RNF38: variants seen among roughly 807,000 people sequenced by gnomAD.
The protein encoded by RNF38 is ring finger protein 38, also known as E3 ubiquitin-protein ligase RNF38.
In RNF38, 15 loss-of-function variants were observed where a neutral mutation model predicts 67.2. The ratio of observed to expected loss-of-function variants is 0.22; its 90% CI spans 0.15 to 0.34. The LOEUF (loss-of-function observed/expected upper bound fraction) is 0.34, where lower values mean the gene tolerates loss of function less well. Among genes scored for constraint, RNF38 ranks in the 10% least tolerant of loss-of-function variants. The pLI is 1.00. For synonymous variants in RNF38, 220 were observed against 218.8 expected, an observed-to-expected ratio of 1.01 and a Z score of -0.05; for missense variants, 524 against 639.9, an observed-to-expected ratio of 0.82 and a Z score of 1.95.
intron 8 of RNF38, among the ~76,000 whole-genome samples, chr9:36,351,609 A>G (rs1425633946): frequency 6.6e-6 from 1 of 152,222 alleles, no homozygotes; most frequent in African/African-American, 2.4e-5. Context: ...TATATCTGAC[A>G]TTAAGATAGA....
chr9:36,394,271 CAA>C (rs1292578735), intron 1 of RNF38, among the ~76,000 whole-genome samples: 1 of 140,746 alleles, frequency 7.1e-6, no homozygotes, highest in African/African-American at 2.6e-5. Context: ...AAGACTGTCT[CAA>C]AAAAAAAAAG....
intron 1 of RNF38, among the ~76,000 whole-genome samples, chr9:36,429,692 G>A (rs1838878241): frequency 6.6e-6 from 1 of 152,154 alleles, no homozygotes; most frequent in African/African-American, 2.4e-5. Flanking sequence ...TACTCGGGAG[G>A]CTGAGGCAGG....
intron 2 of RNF38, among the ~76,000 whole-genome samples, chr9:36,379,464 C>T (rs1447989734): frequency 6.6e-6 from 1 of 151,826 alleles, no homozygotes; most frequent in Non-Finnish European, 1.5e-5. Flanking sequence ...GAATATTGAA[C>T]CCAAATTTTG....
intron 1 of RNF38, among the ~76,000 whole-genome samples, chr9:36,396,975 T>C (rs1837556105): frequency 6.7e-6 from 1 of 149,444 alleles, no homozygotes; most frequent in Non-Finnish European, 1.5e-5. Context: ...AAAAAATCAT[T>C]CTCTCACTAC....
intron 1 of RNF38, among the ~76,000 whole-genome samples, chr9:36,458,865 C>T (rs1013795235): frequency 6.6e-6 from 1 of 152,150 alleles, no homozygotes; most frequent in Non-Finnish European, 1.5e-5. Flanking sequence ...ACCAACATAT[C>T]GCCACATTTG....
intron 10 of RNF38, among the ~76,000 whole-genome samples, chr9:36,343,171 T>C (rs974436476): frequency 2.0e-5 from 3 of 152,254 alleles, no homozygotes; most frequent in East Asian, 1.9e-4. Context: ...TTTCAATCTT[T>C]GGTTGGTTGA....
intron 2 of RNF38, among the ~76,000 whole-genome samples, chr9:36,411,813 AC>A (rs1428234093): frequency 6.6e-6 from 1 of 151,980 alleles, no homozygotes; most frequent in East Asian, 1.9e-4. Context: ...CAAGTGAACC[AC>A]CACCTCAGCC....
At chr9:36,359,874 G>A (rs921645101) in intron 4 of RNF38, among the ~76,000 whole-genome samples, 4 of 151,240 alleles carry the variant, frequency 2.6e-5, no homozygotes, top group African/African-American at 7.3e-5. Flanking sequence ...GCCCCGCCCC[G>A]AGTAGCTGGG....
intron 5 of RNF38, among the ~76,000 whole-genome samples, chr9:36,357,055 G>A (rs1834179363): frequency 6.6e-6 from 1 of 152,168 alleles, no homozygotes; most frequent in South Asian, 2.1e-4. Flanking sequence ...AACGTATTAA[G>A]AGTTACATTT....
At chr9:36,390,693 C>A in intron 1 of RNF38, 77 bp from the exon 2 acceptor site, 1 of 1,404,486 alleles carries the variant, frequency 7.1e-7, no homozygotes. Flanking sequence ...GAAGGATAGT[C>A]TGGATTTTCT....
chr9:36,367,019 T>C (rs1835020253), intron 4 of RNF38, among the ~76,000 whole-genome samples: 1 of 152,196 alleles, frequency 6.6e-6, no homozygotes, highest in South Asian at 2.1e-4. Flanking sequence ...CTCAGTCTTA[T>C]CCTAGTGACC....
At chr9:36,360,343 C>T (rs1834438598) in intron 4 of RNF38, among the ~76,000 whole-genome samples, 1 of 152,020 alleles carries the variant, frequency 6.6e-6, no homozygotes, top group African/African-American at 2.4e-5. Context: ...ATCAACCTTA[C>T]CAACTTTTAA....
chr9:36,455,610 G>A (rs1019242126), intron 1 of RNF38, among the ~76,000 whole-genome samples: 27 of 151,844 alleles, frequency 1.8e-4, no homozygotes, highest in Admixed American at 9.8e-4. Flanking sequence ...GTGAAACCCC[G>A]TCTCTACTAA....
chr9:36,487,198 A>C lies in RNF38; in HGVS notation n.241+110T>G, dbSNP rs1051827457. On this transcript the variant is annotated intron_variant and non_coding_transcript_variant, in intron 1 of 3. Transcript: ENST00000488058. ...GGGGCCGGACAAAGCTGACCCGGAC[A>C]ACGCTCCTCCCCGTCGGCGGGGCCG... The C allele has an allele frequency of 5.7e-6, 4 of 696,734 alleles. No homozygotes were observed. The African/African-American group carries it at 7.7e-5, about 13-fold the overall frequency. The allele number at this position is 696,734 out of a possible 1,614,324, so 43.2% of individuals were successfully genotyped here. A position where few individuals can be genotyped will look rare whatever the true frequency, so the allele number is the denominator to read the frequency against.
chr9:36,408,908 C>T (rs997512308), intron 2 of RNF38, among the ~76,000 whole-genome samples: 3 of 152,040 alleles, frequency 2.0e-5, no homozygotes, highest in Non-Finnish European at 4.4e-5. Flanking sequence ...TGCACATGGC[C>T]GGGTGTGGTG....
intron 6 of RNF38, among the ~76,000 whole-genome samples, chr9:36,355,644 AAAAC>A (rs1412753068): frequency 6.6e-6 from 1 of 152,180 alleles, no homozygotes; most frequent in Non-Finnish European, 1.5e-5. Context: ...TAAAAAGAAA[AAAAC>A]AATACAACTA....
At chr9:36,345,192 T>C (rs1049301784) in intron 9 of RNF38, among the ~76,000 whole-genome samples, 1 of 152,314 alleles carries the variant, frequency 6.6e-6, no homozygotes, top group Non-Finnish European at 1.5e-5. Context: ...TAAAATAATT[T>C]TTTAAATGTT....
rs116610291 is a variant in RNF38 at position 36,393,110 on chromosome 9, C to T, written c.13-2494G>A. Among the ~76,000 whole-genome samples, 639 of 152,278 alleles carry T rather than the reference C, an allele frequency of 4.2e-3. 5 individuals carry two copies. Among genetic ancestry groups the T allele is most frequent in the African/African-American group, 0.014 (600 of 41,546 alleles). On this transcript the variant is annotated intron_variant, in intron 1 of 11. Transcript: ENST00000259605. ...TTGTAGCGTGTTATCCTAAGGCCAT[C>T]CTGCCTTCAACTATCATGCCCAAAG...
At chr9:36,370,539 T>C (rs958725716) in intron 3 of RNF38, among the ~76,000 whole-genome samples, 16 of 152,310 alleles carry the variant, frequency 1.1e-4, no homozygotes, top group Admixed American at 9.8e-4. Flanking sequence ...TCCAAGAATA[T>C]ATAAAATTTT....
Sources: gnomAD v4.1 joint callset for allele counts (sites outside exome capture counted in the v4.1 genomes callset) on GRCh38, gnomAD v4.1.1 for gene constraint, MANE v1.5 for transcripts, NCBI Gene and HGNC (gene_info 2026-07-23, HGNC 2026-07-21) for gene names.